Variants in PRKN observed in about 807,000 individuals in gnomAD.
The protein encoded by PRKN is E3 ubiquitin-protein ligase parkin.
A neutral mutation model predicts 59.5 loss-of-function variants in PRKN; 56 were observed. The ratio of observed to expected loss-of-function variants is 0.94; its 90% CI spans 0.76 to 1.18. PRKN has a LOEUF of 1.18. Among genes scored for constraint, PRKN ranks in the 50% most tolerant of loss-of-function variants. PRKN has a pLI of 0.00. For missense variants in PRKN, 657 were observed against 596.4 expected, an observed-to-expected ratio of 1.10 and a Z score of -1.06; for synonymous variants, 250 against 222.1, an observed-to-expected ratio of 1.13 and a Z score of -1.12.
chr6:162,534,989 TTCCCCAGTCCTCTTCCA>T (rs71544935), intron 1 of PRKN, among the ~76,000 whole-genome samples: 1,653 of 145,238 alleles, frequency 0.011, 26 homozygotes, highest in African/African-American at 0.037. Context: ...GTTCTCTTCC[TTCCCCAGTCCTCTTCCA>T]TCCCCAGTCC....
At chr6:162,670,493 T>A (rs1332332706) in intron 1 of PRKN, among the ~76,000 whole-genome samples, 1 of 152,204 alleles carries the variant, frequency 6.6e-6, no homozygotes, top group Non-Finnish European at 1.5e-5. Flanking sequence ...CAAAACAGCC[T>A]TGCCACTAAA....
chr6:162,434,199 C>T (rs1789666115), intron 2 of PRKN, among the ~76,000 whole-genome samples: 1 of 152,114 alleles, frequency 6.6e-6, no homozygotes. Context: ...CATATATGTA[C>T]AAAAGGCTAA....
chr6:162,573,543 A>T (rs541398426), intron 1 of PRKN, among the ~76,000 whole-genome samples: 1 of 152,294 alleles, frequency 6.6e-6, no homozygotes, highest in Non-Finnish European at 1.5e-5. Context: ...TTTGTTATAA[A>T]ATTATTTACT....
At chr6:162,476,511 C>T (rs1481368813) in intron 1 of PRKN, among the ~76,000 whole-genome samples, 2 of 152,094 alleles carry the variant, frequency 1.3e-5, no homozygotes, top group African/African-American at 4.8e-5. Flanking sequence ...TCTTCTCAAT[C>T]CCGTTTGTAT....
chr6:161,712,851 C>T (rs1194863591), intron 7 of PRKN, among the ~76,000 whole-genome samples: 1 of 152,190 alleles, frequency 6.6e-6, no homozygotes, highest in Non-Finnish European at 1.5e-5. Flanking sequence ...ACACAGAACA[C>T]TTCTATGACC....
At chr6:162,149,129 T>C (rs1341098632) in intron 4 of PRKN, among the ~76,000 whole-genome samples, 1 of 152,210 alleles carries the variant, frequency 6.6e-6, no homozygotes, top group East Asian at 1.9e-4. Flanking sequence ...AATTCATTGT[T>C]ACTTTGCACC....
intron 1 of PRKN, among the ~76,000 whole-genome samples, chr6:162,692,746 C>T (rs1777828181): frequency 6.6e-6 from 1 of 152,206 alleles, no homozygotes; most frequent in African/African-American, 2.4e-5. Flanking sequence ...TTCTATGTCC[C>T]TTTTACCTTT....
intron 11 of PRKN, among the ~76,000 whole-genome samples, chr6:161,350,555 A>C (rs1197610430): frequency 7.1e-6 from 1 of 140,904 alleles, no homozygotes. Context: ...AATATATTCA[A>C]ATATTAATAT....
chr6:161,841,959 T>C (rs916329338), intron 6 of PRKN, among the ~76,000 whole-genome samples: 2 of 152,126 alleles, frequency 1.3e-5, no homozygotes, highest in Non-Finnish European at 2.9e-5. Flanking sequence ...CTTCCCCTGC[T>C]GCAAAACCCC....
chr6:161,688,531 T>C (rs1400174423), intron 7 of PRKN, among the ~76,000 whole-genome samples: 1 of 152,246 alleles, frequency 6.6e-6, no homozygotes, highest in East Asian at 1.9e-4. Flanking sequence ...ACTTCAAATT[T>C]GCTGCTACTA....
At chr6:162,074,900 A>C (rs1032892905) in intron 4 of PRKN, among the ~76,000 whole-genome samples, 2 of 152,252 alleles carry the variant, frequency 1.3e-5, no homozygotes, top group African/African-American at 4.8e-5. Flanking sequence ...CTGTAGGTAC[A>C]TCACAGGGAT....
chr6:162,271,236 G>A lies in PRKN; in HGVS notation c.172-8471C>T, dbSNP rs1010630714. On this transcript the variant is annotated intron_variant, in intron 2 of 11. Coordinates refer to ENST00000366898, the MANE Select transcript of PRKN (RefSeq NM_004562.3). ...TTTCTATGCCAAGAAAAGACAAAAC[G>A]GCAATGATTTAATAAGTTAGGCCGA... 5.9e-5 allele frequency among the ~76,000 whole-genome samples: 9 copies of A among 152,052 alleles called. 1 individual carries two copies. The East Asian group carries it at 7.7e-4, about 13-fold the overall frequency.
At chr6:161,519,461 C>G (rs530600199) in intron 9 of PRKN, among the ~76,000 whole-genome samples, 16 of 152,208 alleles carry the variant, frequency 1.1e-4, no homozygotes, top group Admixed American at 3.9e-4. Flanking sequence ...TAACATATCT[C>G]CCTCCAAAGC....
At chr6:161,614,989 G>T (rs1419097101) in intron 7 of PRKN, among the ~76,000 whole-genome samples, 1 of 147,276 alleles carries the variant, frequency 6.8e-6, no homozygotes. Context: ...GAGAGAGAGA[G>T]AGAGAGAGAG....
At chr6:162,258,244 T>G (rs1187825278) in intron 3 of PRKN, among the ~76,000 whole-genome samples, 2 of 152,212 alleles carry the variant, frequency 1.3e-5, no homozygotes, top group Non-Finnish European at 2.9e-5. Flanking sequence ...AATAGCTCCG[T>G]TGAGGTAGGC....
chr6:162,514,393 G>T (rs989578925), intron 1 of PRKN, among the ~76,000 whole-genome samples: 6 of 152,082 alleles, frequency 3.9e-5, no homozygotes, highest in African/African-American at 1.4e-4. Context: ...GTTAGAAAAA[G>T]TGAGTCGCCC....
At chr6:161,754,396 C>T (rs545120111) in intron 7 of PRKN, among the ~76,000 whole-genome samples, 4 of 152,068 alleles carry the variant, frequency 2.6e-5, no homozygotes, top group African/African-American at 9.6e-5. Flanking sequence ...GAAGTTCCTG[C>T]AGCAAAAACA....
chr6:162,058,645 G>A (rs1777965697), intron 4 of PRKN, among the ~76,000 whole-genome samples: 1 of 152,148 alleles, frequency 6.6e-6, no homozygotes, highest in Admixed American at 6.5e-5. Flanking sequence ...CACCTACGTG[G>A]CAACAGCCAA....
At chr6:162,574,436 T>A (rs1780475209) in intron 1 of PRKN, among the ~76,000 whole-genome samples, 1 of 152,208 alleles carries the variant, frequency 6.6e-6, no homozygotes, top group South Asian at 2.1e-4. Flanking sequence ...ATCATGATAT[T>A]CTTAAGCCAA....
Sources: gnomAD v4.1 joint callset for allele counts (sites outside exome capture counted in the v4.1 genomes callset) on GRCh38, gnomAD v4.1.1 for gene constraint, MANE v1.5 for transcripts, NCBI Gene and HGNC (gene_info 2026-07-23, HGNC 2026-07-21) for gene names.